PCDHA7: variants seen among roughly 807,000 people sequenced by gnomAD.
The protein encoded by PCDHA7 is protocadherin alpha-7.
Under a neutral mutation model 57.2 loss-of-function variants are expected in PCDHA7, and 37 were observed. The ratio of observed to expected loss-of-function variants is 0.65; its 90% CI spans 0.50 to 0.85. The LOEUF (loss-of-function observed/expected upper bound fraction) is 0.85, where lower values mean the gene tolerates loss of function less well. PCDHA7 is among the 40% of genes least tolerant of loss of function. The pLI is 0.00. For synonymous variants in PCDHA7, 553 were observed against 558.8 expected, an observed-to-expected ratio of 0.99 and a Z score of 0.15; for missense variants, 1,188 against 1,241.8, an observed-to-expected ratio of 0.96 and a Z score of 0.65.
At chr5:140,935,310 C>T (rs569890065) in intron 1 of PCDHA7, among the ~76,000 whole-genome samples, 2 of 152,200 alleles carry the variant, frequency 1.3e-5, no homozygotes, top group Non-Finnish European at 2.9e-5. Flanking sequence ...TACTTAACTT[C>T]ATCAATCTTA....
chr5:140,888,447 A>G (rs1554183478), intron 1 of PCDHA7, among the ~76,000 whole-genome samples: 1 of 152,190 alleles, frequency 6.6e-6, no homozygotes, highest in Non-Finnish European at 1.5e-5. Context: ...CCCAACAATA[A>G]AGAATTAGCT....
chr5:140,950,952 A>G (rs1554219699), intron 1 of PCDHA7, among the ~76,000 whole-genome samples: 2 of 151,782 alleles, frequency 1.3e-5, no homozygotes, highest in Admixed American at 1.3e-4. Context: ...GATCATTTCT[A>G]TTGATCTATT....
chr5:140,968,670 T>C lies in PCDHA7; in HGVS notation c.2356-10279T>C, dbSNP rs782754896. 23 of 1,614,180 alleles carry C rather than the reference T, an allele frequency of 1.4e-5. No homozygotes were observed. Among genetic ancestry groups the C allele is most frequent in the Non-Finnish European group, 1.8e-5 (21 of 1,180,034 alleles). On this transcript the variant is annotated intron_variant, in intron 1 of 3. Coordinates refer to ENST00000525929, the MANE Select transcript of PCDHA7 (RefSeq NM_018910.3). ...ACTTCTGACCTGGACCTCTTTAAGG[T>C]AGAGCTGCACACAGGAGAAATTAGG...
chr5:140,877,546 G>T, intron 1 of PCDHA7: 4 of 1,613,794 alleles, frequency 2.5e-6, no homozygotes, highest in Non-Finnish European at 3.4e-6. Flanking sequence ...TCCCGAAGCG[G>T]CTCTGGTGGA....
At chr5:140,967,143 A>G in intron 1 of PCDHA7, 1 of 1,611,272 alleles carries the variant, frequency 6.2e-7, no homozygotes, top group South Asian at 1.1e-5. Flanking sequence ...GTGCTGGCGC[A>G]CAACCCCGTG....
intron 1 of PCDHA7, chr5:140,863,203 G>C: frequency 1.1e-6 from 1 of 948,504 alleles, no homozygotes; most frequent in Non-Finnish European, 1.6e-6. Flanking sequence ...GTCGCTGGCG[G>C]AGAGCAGCCA....
At chr5:140,850,961 G>A in intron 1 of PCDHA7, 1 of 1,476,304 alleles carries the variant, frequency 6.8e-7, no homozygotes, top group Non-Finnish European at 9.1e-7. Flanking sequence ...TACTCCCAGG[G>A]GCCGTTCAAA....
intron 3 of PCDHA7, among the ~76,000 whole-genome samples, chr5:140,990,932 G>A (rs1161440839): frequency 6.6e-6 from 1 of 152,154 alleles, no homozygotes; most frequent in African/African-American, 2.4e-5. Flanking sequence ...ATCCCATACT[G>A]TTGCCTCCTG....
intron 1 of PCDHA7, among the ~76,000 whole-genome samples, chr5:140,944,072 A>C (rs868935645): frequency 6.6e-6 from 1 of 152,218 alleles, no homozygotes; most frequent in Non-Finnish European, 1.5e-5. Context: ...CTTGTTAAAG[A>C]TAAAGGAGGC....
chr5:140,875,817 G>C lies in PCDHA7; in HGVS notation c.2355+39079G>C, dbSNP rs1262566792. 3 of 1,614,090 alleles carry C rather than the reference G, an allele frequency of 1.9e-6. No homozygotes were observed. The highest frequency in any genetic ancestry group is 2.7e-5 in the African/African-American group (2 of 74,930). On this transcript the variant is annotated intron_variant, in intron 1 of 3. Coordinates refer to ENST00000525929, the MANE Select transcript of PCDHA7 (RefSeq NM_018910.3). ...AGGTGATCGTGGACAGGCCGCTGCA[G>C]GTTTTCCATGTGGACGTGGAGGTGA...
chr5:140,840,088 T>G (rs1346401195), intron 1 of PCDHA7, among the ~76,000 whole-genome samples: 2 of 152,012 alleles, frequency 1.3e-5, no homozygotes, highest in African/African-American at 2.4e-5. Context: ...ATAAACTTGT[T>G]GAAGATTTTA....
intron 1 of PCDHA7, among the ~76,000 whole-genome samples, chr5:140,924,969 A>C (rs781957377): frequency 5.3e-5 from 8 of 151,756 alleles, no homozygotes. Flanking sequence ...AGGTGAGTGC[A>C]GTGGCTCATG....
chr5:140,891,241 G>A (rs2153433469), intron 1 of PCDHA7, among the ~76,000 whole-genome samples: 1 of 152,200 alleles, frequency 6.6e-6, no homozygotes, highest in Middle Eastern at 3.4e-3. Flanking sequence ...TCTGGATTCA[G>A]TAGGATTTTT....
intron 1 of PCDHA7, among the ~76,000 whole-genome samples, chr5:140,918,094 T>C (rs1001602407): frequency 1.3e-5 from 2 of 152,188 alleles, no homozygotes; most frequent in East Asian, 1.9e-4. Context: ...ATTCTTTTTA[T>C]AGAGATCTTT....
chr5:140,871,092 C>A (rs575877743), intron 1 of PCDHA7: 2 of 1,613,142 alleles, frequency 1.2e-6, no homozygotes, highest in Admixed American at 1.7e-5. Flanking sequence ...CCACGGCCAC[C>A]GTGCTGGTGT....
intron 1 of PCDHA7, among the ~76,000 whole-genome samples, chr5:140,962,088 T>C (rs893852980): frequency 6.6e-6 from 1 of 152,092 alleles, no homozygotes; most frequent in Non-Finnish European, 1.5e-5. Flanking sequence ...GGTTTCACCA[T>C]GTTAGCCAGG....
chr5:140,884,019 C>G, intron 1 of PCDHA7: 1 of 1,613,216 alleles, frequency 6.2e-7, no homozygotes. Flanking sequence ...ATGCCGCGGT[C>G]GGTGGGTGCA....
intron 1 of PCDHA7, among the ~76,000 whole-genome samples, chr5:140,964,435 C>G (rs2095833359): frequency 6.6e-6 from 1 of 152,108 alleles, no homozygotes; most frequent in African/African-American, 2.4e-5. Context: ...AATTACCAAG[C>G]CTCTGCCACT....
intron 1 of PCDHA7, chr5:140,856,435 G>C (rs2043994865): frequency 6.3e-7 from 1 of 1,598,204 alleles, no homozygotes; most frequent in Non-Finnish European, 8.6e-7. Flanking sequence ...ACGACAACCC[G>C]CCCAGGTTCT....
Sources: allele counts gnomAD v4.1 joint callset (sites outside exome capture counted in the v4.1 genomes callset), GRCh38; gene constraint gnomAD v4.1.1; transcripts MANE v1.5; gene names NCBI Gene and HGNC (gene_info 2026-07-23, HGNC 2026-07-21).